The following PRDM5 variants were observed in gnomAD, a reference collection of about 807,000 sequenced individuals.
The protein encoded by PRDM5 is PR domain zinc finger protein 5.
Under a neutral mutation model 81.2 loss-of-function variants are expected in PRDM5, and 56 were observed. That is an observed-to-expected ratio of 0.69 (90% CI 0.56 to 0.86). The LOEUF (loss-of-function observed/expected upper bound fraction) is 0.86. PRDM5 is among the 40% of genes least tolerant of loss of function. The pLI, the probability that PRDM5 is intolerant of heterozygous loss-of-function variation, is 0.00. For missense variants in PRDM5, 697 were observed against 770.1 expected, an observed-to-expected ratio of 0.91 and a Z score of 1.12; for synonymous variants, 267 against 256.4, an observed-to-expected ratio of 1.04 and a Z score of -0.39.
intron 14 of PRDM5, 71 bp from the exon 15 acceptor site, chr4:120,710,484 T>C (rs1484195174): frequency 8.1e-7 from 1 of 1,227,962 alleles, no homozygotes; most frequent in Non-Finnish European, 1.2e-6. Context: ...CATATTCAGG[T>C]GTGTGTTATG....
chr4:120,912,727 A>G (rs1254147963), intron 1 of PRDM5, among the ~76,000 whole-genome samples: 1 of 152,238 alleles, frequency 6.6e-6, no homozygotes, highest in Non-Finnish European at 1.5e-5. Context: ...ATGCTAAAGT[A>G]TTGAGGGGTG....
chr4:120,806,645 T>A (rs769051145), intron 8 of PRDM5, among the ~76,000 whole-genome samples: 2 of 152,138 alleles, frequency 1.3e-5, no homozygotes, highest in East Asian at 3.9e-4. Flanking sequence ...TGGCTAGCCA[T>A]AGGTAGAAAG....
chr4:120,851,552 G>A (rs1388680483), intron 3 of PRDM5, among the ~76,000 whole-genome samples: 2 of 151,330 alleles, frequency 1.3e-5, no homozygotes, highest in Non-Finnish European at 2.9e-5. Flanking sequence ...GAATATCCCC[G>A]GCTGCCAGAG....
At position 120,816,870 on chromosome 4, in the gene PRDM5, C is replaced by G. The variant is rs145114094; in HGVS notation, c.705G>C (p.Gln235His). ...TGAAGGAAGAATTGCAAACAGAGCACTGAAAACTTCGCGAAGACTCCTTTA... is the reference window on the plus strand; with the variant it reads ...TGAAGGAAGAATTGCAAACAGAGCAGTGAAAACTTCGCGAAGACTCCTTTA... ...SSLKESSRSFQCSVCNSSFSS... is the reference protein window; with the variant it reads ...SSLKESSRSFHCSVCNSSFSS... Residue 235 changes from glutamine to histidine, a missense_variant, in exon 6 of 16, where the codon CAG (glutamine) becomes CAC (histidine). Physicochemically the swap from Gln to His is conservative, Grantham distance 24. Around this residue, in one of 3 missense-constraint regions of PRDM5, gnomAD observed 577 missense variants for 606.7 expected, o/e 0.95. Transcript: ENST00000264808. 2 of 1,613,786 alleles carry G rather than the reference C, an allele frequency of 1.2e-6. No homozygotes were observed. Among genetic ancestry groups the G allele is most frequent in the African/African-American group, 1.3e-5 (1 of 74,904 alleles).
chr4:120,881,212 TTG>T (rs1418594923), intron 2 of PRDM5, among the ~76,000 whole-genome samples: 2 of 152,238 alleles, frequency 1.3e-5, no homozygotes, highest in Non-Finnish European at 2.9e-5. Context: ...AAAGATTTTT[TTG>T]TCTTTGATTA....
intron 2 of PRDM5, among the ~76,000 whole-genome samples, chr4:120,904,189 C>CAAAAAAAAAACAAAAAAAAA (rs1765515113): frequency 2.3e-5 from 1 of 42,580 alleles, no homozygotes; most frequent in East Asian, 9.1e-4. Context: ...GACTCCTTCT[C>CAAAAAAAAAACAAAAAAAAA]AAAAAAAAAA....
chr4:120,707,805 T>C (rs1736419567), intron 15 of PRDM5, among the ~76,000 whole-genome samples: 1 of 152,034 alleles, frequency 6.6e-6, no homozygotes, highest in African/African-American at 2.4e-5. Context: ...TAATATCCAA[T>C]ATTTAAAACC....
At chr4:120,872,200 T>G (rs1761904619) in intron 2 of PRDM5, among the ~76,000 whole-genome samples, 1 of 137,592 alleles carries the variant, frequency 7.3e-6, no homozygotes, top group Non-Finnish European at 1.5e-5. Flanking sequence ...GATCCAGCAA[T>G]TCCACTTCTG....
intron 8 of PRDM5, among the ~76,000 whole-genome samples, chr4:120,804,910 G>C (rs1034761388): frequency 6.6e-6 from 1 of 152,116 alleles, no homozygotes; most frequent in Non-Finnish European, 1.5e-5. Context: ...ATGAATCCAG[G>C]AGCTGGTTTT....
chr4:120,765,338 G>A (rs1282410962), intron 13 of PRDM5, among the ~76,000 whole-genome samples: 1 of 152,172 alleles, frequency 6.6e-6, no homozygotes, highest in Non-Finnish European at 1.5e-5. Flanking sequence ...TGGAACTGTA[G>A]GCAAGTAATT....
At chr4:120,805,651 G>A (rs1447798327) in intron 8 of PRDM5, among the ~76,000 whole-genome samples, 3 of 151,996 alleles carry the variant, frequency 2.0e-5, no homozygotes, top group Non-Finnish European at 4.4e-5. Flanking sequence ...AAATTCAATA[G>A]CCCTTCATGC....
At chr4:120,847,592 T>C (rs749719492) in intron 3 of PRDM5, among the ~76,000 whole-genome samples, 6 of 152,202 alleles carry the variant, frequency 3.9e-5, no homozygotes, top group Admixed American at 6.5e-5. Context: ...GCTAAGTTGC[T>C]CCTAAATTCC....
chr4:120,850,826 GA>G (rs1759179803), intron 3 of PRDM5, among the ~76,000 whole-genome samples: 1 of 152,144 alleles, frequency 6.6e-6, no homozygotes, highest in African/African-American at 2.4e-5. Context: ...TATAGAGGAA[GA>G]AAAGTACTGC....
chr4:120,849,545 T>G (rs1446178689), intron 3 of PRDM5, among the ~76,000 whole-genome samples: 1 of 152,076 alleles, frequency 6.6e-6, no homozygotes, highest in Non-Finnish European at 1.5e-5. Context: ...ACCCAAATGT[T>G]TTTACCTTTT....
chr4:120,899,843 T>C (rs1765049140), intron 2 of PRDM5, among the ~76,000 whole-genome samples: 1 of 152,162 alleles, frequency 6.6e-6, no homozygotes, highest in Non-Finnish European at 1.5e-5. Flanking sequence ...CAACTTGCTA[T>C]AGACTGGAGT....
intron 1 of PRDM5, among the ~76,000 whole-genome samples, chr4:120,686,682 T>C (rs955300443): frequency 2.0e-5 from 3 of 152,048 alleles, no homozygotes; most frequent in African/African-American, 7.2e-5. Context: ...CTATTAAATA[T>C]CTATATTAAC....
intron 4 of PRDM5, among the ~76,000 whole-genome samples, chr4:120,820,120 G>A (rs143243789): frequency 0.01 from 1,575 of 152,324 alleles, 10 homozygotes; most frequent in Non-Finnish European, 0.016. Flanking sequence ...AACTGAAACC[G>A]CAATGGAATT....
intron 3 of PRDM5, among the ~76,000 whole-genome samples, chr4:120,840,371 C>T (rs1039776004): frequency 2.6e-5 from 4 of 152,146 alleles, no homozygotes; most frequent in South Asian, 2.1e-4. Context: ...CAGGCCCAGC[C>T]GTTGGGAATG....
At chr4:120,803,123 T>C (rs1471080398) in intron 8 of PRDM5, among the ~76,000 whole-genome samples, 1 of 151,992 alleles carries the variant, frequency 6.6e-6, no homozygotes, top group Admixed American at 6.6e-5. Context: ...GAAGATCAAA[T>C]GGATGAAATG....
Sources: gnomAD v4.1 joint callset for allele counts (sites outside exome capture counted in the v4.1 genomes callset) on GRCh38, gnomAD v4.1.1 for gene constraint, gnomAD v4.1.1 regional missense constraint, MANE v1.5 for transcripts, NCBI Gene and HGNC (gene_info 2026-07-23, HGNC 2026-07-21) for gene names.